NLRP1: variants seen among roughly 807,000 people sequenced by gnomAD.
NLRP1 encodes the protein NACHT, LRR and PYD domains-containing protein 1.
In NLRP1, 94 loss-of-function variants were observed where a neutral mutation model predicts 136.7. The observed-to-expected ratio is 0.69, with a 90% CI of 0.58 to 0.82. The LOEUF (loss-of-function observed/expected upper bound fraction) is 0.82, where lower values mean the gene tolerates loss of function less well. NLRP1 is among the 40% of genes least tolerant of loss of function. NLRP1 has a pLI of 0.00. For synonymous variants in NLRP1, 690 were observed against 725.1 expected, an observed-to-expected ratio of 0.95 and a Z score of 0.78; for missense variants, 1,575 against 1,802.7, an observed-to-expected ratio of 0.87 and a Z score of 2.29.
chr17:5,525,507 G>A (rs573496662), intron 12 of NLRP1, among the ~76,000 whole-genome samples: 1 of 152,196 alleles, frequency 6.6e-6, no homozygotes, highest in Non-Finnish European at 1.5e-5. Flanking sequence ...ATGCCTGGCC[G>A]TGCCCTTCCT....
chr17:5,536,774 A>T, intron 8 of NLRP1, 77 bp downstream of exon 8: 1 of 1,013,212 alleles, frequency 9.9e-7, no homozygotes, highest in Non-Finnish European at 1.6e-6. Flanking sequence ...TTTGTCTCTC[A>T]CCCCATGGCT....
intron 5 of NLRP1, among the ~76,000 whole-genome samples, chr17:5,542,722 C>G (rs937047236): frequency 7.4e-6 from 1 of 134,652 alleles, no homozygotes; most frequent in Non-Finnish European, 1.6e-5. Context: ...TTCCCTCCCT[C>G]CCTCCCTCCC....
At chr17:5,550,041 A>G (rs1052633181) in intron 5 of NLRP1, among the ~76,000 whole-genome samples, 1 of 152,236 alleles carries the variant, frequency 6.6e-6, no homozygotes, top group Non-Finnish European at 1.5e-5. Flanking sequence ...TTCTTGGGAT[A>G]AATCCCATTT....
chr17:5,517,510 C>T (rs1908309814), intron 15 of NLRP1, among the ~76,000 whole-genome samples: 1 of 152,144 alleles, frequency 6.6e-6, no homozygotes, highest in African/African-American at 2.4e-5. Flanking sequence ...GCCTCAGCCT[C>T]CTGAGTAGCT....
intron 5 of NLRP1, among the ~76,000 whole-genome samples, chr17:5,544,741 T>G (rs1041001891): frequency 6.6e-6 from 1 of 152,228 alleles, no homozygotes; most frequent in Non-Finnish European, 1.5e-5. Flanking sequence ...GACACTGCAT[T>G]TTCATTTTGT....
intron 6 of NLRP1, among the ~76,000 whole-genome samples, chr17:5,540,251 G>A (rs7207641): frequency 2.6e-5 from 4 of 152,136 alleles, no homozygotes; most frequent in African/African-American, 9.7e-5. Flanking sequence ...TTGTACGTAC[G>A]GATGTGGGAC....
At chr17:5,521,074 AG>A in intron 13 of NLRP1, 62 bp from the exon 14 acceptor site, 3 of 1,492,154 alleles carry the variant, frequency 2.0e-6, no homozygotes, top group Non-Finnish European at 1.8e-6. Flanking sequence ...TGGTTTGAAT[AG>A]GGGGGATGGT....
intron 3 of NLRP1, among the ~76,000 whole-genome samples, chr17:5,578,213 G>C (rs986393807): frequency 6.6e-5 from 10 of 152,198 alleles, no homozygotes; most frequent in African/African-American, 2.4e-4. Flanking sequence ...AGGACTTCAT[G>C]TCTAAAACAT....
intron 15 of NLRP1, chr17:5,501,922 T>C (rs200717429): frequency 1.3e-6 from 2 of 1,531,278 alleles, no homozygotes; most frequent in African/African-American, 2.7e-5. Flanking sequence ...TCCCAGTAGA[T>C]TGGAGAGGTC....
At chr17:5,510,262 T>C (rs1193106256), downstream of NLRP1, among the ~76,000 whole-genome samples, 1 of 151,990 alleles carries the variant, frequency 6.6e-6, no homozygotes, top group Non-Finnish European at 1.5e-5. Flanking sequence ...GTGGCATGAT[T>C]ATGGCTCACT....
chr17:5,544,223 G>T (rs553783402), intron 5 of NLRP1, among the ~76,000 whole-genome samples: 1 of 152,200 alleles, frequency 6.6e-6, no homozygotes, highest in Non-Finnish European at 1.5e-5. Context: ...TCTGGTGGGG[G>T]CCTGGATCAG....
downstream of NLRP1, chr17:5,512,074 G>T: frequency 1.5e-5 from 11 of 715,476 alleles, no homozygotes; most frequent in Admixed American, 6.2e-5. Flanking sequence ...TTTTGTTTTG[G>T]GTTTTTGTGG....
chr17:5,515,601 T>C, intron 15 of NLRP1, 84 bp from the exon 16 acceptor site: 1 of 1,063,938 alleles, frequency 9.4e-7, no homozygotes. Context: ...TCCCACTCAC[T>C]TCTGAGATTC....
chr17:5,561,221 A>AATTTTTGT (rs1380889706), intron 3 of NLRP1, among the ~76,000 whole-genome samples: 1 of 151,824 alleles, frequency 6.6e-6, no homozygotes, highest in Non-Finnish European at 1.5e-5. Flanking sequence ...CACGCCAGCT[A>AATTTTTGT]ATTTTTGTAT....
chr17:5,566,227 T>A (rs58638270), intron 3 of NLRP1, among the ~76,000 whole-genome samples: 14,711 of 152,124 alleles, frequency 0.097, 752 homozygotes, highest in African/African-American at 0.12. Context: ...TTTGGTTTGT[T>A]CCTGCTTTTC....
At chr17:5,523,201 A>G (rs770312021) in intron 12 of NLRP1, among the ~76,000 whole-genome samples, 1 of 152,174 alleles carries the variant, frequency 6.6e-6, no homozygotes, top group Non-Finnish European at 1.5e-5. Context: ...TGGGCGGATC[A>G]CTTGAACCCA....
At chr17:5,535,431 C>G (rs1202007621) in intron 8 of NLRP1, among the ~76,000 whole-genome samples, 1 of 152,218 alleles carries the variant, frequency 6.6e-6, no homozygotes, top group African/African-American at 2.4e-5. Context: ...CTCAGAGCCT[C>G]TACTTCTGCC....
intron 3 of NLRP1, among the ~76,000 whole-genome samples, chr17:5,580,435 T>TG (rs1048996969): frequency 3.2e-4 from 48 of 151,482 alleles, no homozygotes; most frequent in African/African-American, 1.1e-3. Flanking sequence ...TTGTTGTTGT[T>TG]TTTTTTTTAA....
chr17:5,549,494 G>A (rs1913067812), intron 5 of NLRP1, among the ~76,000 whole-genome samples: 1 of 152,010 alleles, frequency 6.6e-6, no homozygotes, highest in South Asian at 2.1e-4. Context: ...TGCCCTGGCT[G>A]GTCTTGAACT....
Sources: gnomAD v4.1 joint callset for allele counts (sites outside exome capture counted in the v4.1 genomes callset) on GRCh38, gnomAD v4.1.1 for gene constraint, MANE v1.5 for transcripts, NCBI Gene and HGNC (gene_info 2026-07-23, HGNC 2026-07-21) for gene names.